Variants in POLK observed in about 807,000 individuals in gnomAD.
POLK encodes the protein polymerase (DNA directed) kappa.
Under a neutral mutation model 94.0 loss-of-function variants are expected in POLK, and 76 were observed. The ratio of observed to expected loss-of-function variants is 0.81; its 90% confidence interval spans 0.67 to 0.98. POLK has a LOEUF of 0.98. Ranked by LOEUF, POLK falls within the 50% of genes least tolerant of loss-of-function variation. The pLI, the probability that POLK is intolerant of heterozygous loss-of-function variation, is 0.00. For missense variants in POLK, 954 were observed against 1,010.1 expected, an observed-to-expected ratio of 0.94 and a Z score of 0.75; for synonymous variants, 349 against 325.4, an observed-to-expected ratio of 1.07 and a Z score of -0.78.
chr5:75,531,909 T>C (rs1192330009), intron 1 of POLK, among the ~76,000 whole-genome samples: 1 of 152,146 alleles, frequency 6.6e-6, no homozygotes, highest in African/African-American at 2.4e-5. Context: ...AGTTATTATC[T>C]AGGGCAGTAT....
intron 1 of POLK, among the ~76,000 whole-genome samples, chr5:75,533,442 G>C (rs1769279730): frequency 6.6e-6 from 1 of 152,134 alleles, no homozygotes; most frequent in Admixed American, 6.5e-5. Flanking sequence ...CCATTTGTCT[G>C]TGTGTCTGTT....
intron 1 of POLK, among the ~76,000 whole-genome samples, chr5:75,531,156 T>TG (rs1409498814): frequency 2.6e-5 from 4 of 151,974 alleles, no homozygotes; most frequent in African/African-American, 9.7e-5. Context: ...ATGAAAATGT[T>TG]TTTTTTCCTC....
rs1772508697 is a variant in POLK, at chr5:75,587,020, T to A, written c.1227-6T>A. 6.5e-7 allele frequency: 1 copy of A among 1,547,946 alleles called. No individual in the cohort carries two copies. The highest frequency in any genetic ancestry group is 1.4e-5 in the African/African-American group (1 of 72,276). On this transcript the variant is annotated splice_polypyrimidine_tract_variant and splice_region_variant and intron_variant, in intron 9 of 14. Transcript: ENST00000241436. ...AAAAATAAAGACCTTTTTTTTTCAT[T>A]TCAAGGGATGGAGAGAGGAAAAGTA...
intron 11 of POLK, among the ~76,000 whole-genome samples, chr5:75,592,051 C>T (rs1772815607): frequency 6.6e-6 from 1 of 152,156 alleles, no homozygotes; most frequent in African/African-American, 2.4e-5. Context: ...TAACTTCCTC[C>T]TCCAGGGGAT....
chr5:75,583,194 GA>G, intron 7 of POLK, 98 bp from the exon 8 acceptor site: 1 of 776,328 alleles, frequency 1.3e-6, no homozygotes, highest in Non-Finnish European at 2.0e-6. Context: ...TATCATTTGA[GA>G]TTTTTTGCAA....
intron 2 of POLK, among the ~76,000 whole-genome samples, chr5:75,548,493 T>C (rs1366380646): frequency 6.7e-6 from 1 of 149,746 alleles, no homozygotes; most frequent in Non-Finnish European, 1.5e-5. Flanking sequence ...TAATGTGTTA[T>C]GTGTATTAAT....
At chr5:75,518,404 A>C (rs899863674) in intron 1 of POLK, among the ~76,000 whole-genome samples, 1 of 152,112 alleles carries the variant, frequency 6.6e-6, no homozygotes, top group Non-Finnish European at 1.5e-5. Flanking sequence ...TCTTCTAGCT[A>C]TTCCAATTTG....
intron 3 of POLK, 59 bp from the exon 4 acceptor site, chr5:75,569,281 T>A: frequency 8.8e-7 from 1 of 1,132,606 alleles, no homozygotes; most frequent in Admixed American, 2.0e-5. Context: ...AATGTTGTGG[T>A]TAATGGTGTT....
exon 12 of POLK, chr5:75,593,878 G>T: frequency 1.3e-6 from 2 of 1,538,858 alleles, no homozygotes; most frequent in South Asian, 2.3e-5. Flanking sequence ...TATGTTATAG[G>T]GTAGAACTGT....
chr5:75,601,777 G>A (rs1416249275), downstream of POLK, among the ~76,000 whole-genome samples: 1 of 152,136 alleles, frequency 6.6e-6, no homozygotes, highest in Non-Finnish European at 1.5e-5. Flanking sequence ...TTGAGGTTTT[G>A]GGACTCAGAC....
chr5:75,591,782 G>A (rs931792536), intron 11 of POLK, among the ~76,000 whole-genome samples: 4 of 152,214 alleles, frequency 2.6e-5, no homozygotes, highest in South Asian at 4.2e-4. Context: ...GCAGAATGTC[G>A]CCCAATTTGG....
chr5:75,531,388 T>C (rs1769175812), intron 1 of POLK, among the ~76,000 whole-genome samples: 2 of 151,612 alleles, frequency 1.3e-5, no homozygotes, highest in African/African-American at 4.8e-5. Flanking sequence ...TACCAGTATA[T>C]AGCTATTTAC....
At position 75,538,918 on chromosome 5, in the gene POLK, G is replaced by A. The variant is rs1335073384; in HGVS notation, c.-13-8092G>A. 5.3e-5 allele frequency among the ~76,000 whole-genome samples: 8 copies of A among 152,060 alleles called. No individual in the cohort carries two copies. In the East Asian group the frequency reaches 1.5e-3, roughly 29 times the overall value. On this transcript the variant is annotated intron_variant, in intron 1 of 14. Coordinates refer to ENST00000241436, the Ensembl canonical transcript of POLK. Reference sequence around the variant, plus strand: ...CCTGAGTAGCTGGGATTACAGGCATGTGCCACCATGCCCAGCCAATTTTTT... The same window carrying A: ...CCTGAGTAGCTGGGATTACAGGCATATGCCACCATGCCCAGCCAATTTTTT...
chr5:75,526,756 A>G (rs1295334221), intron 1 of POLK, among the ~76,000 whole-genome samples: 1 of 151,690 alleles, frequency 6.6e-6, no homozygotes, highest in Admixed American at 6.6e-5. Context: ...TAATTTTTGT[A>G]TTTTTAGTAG....
intron 12 of POLK, among the ~76,000 whole-genome samples, chr5:75,594,283 A>C (rs1772948190): frequency 1.3e-5 from 2 of 152,208 alleles, no homozygotes; most frequent in Non-Finnish European, 2.9e-5. Context: ...TTATGTTTTC[A>C]ATTTACAGCG....
At chr5:75,574,746 G>T (rs895359595) in intron 5 of POLK, among the ~76,000 whole-genome samples, 2 of 152,164 alleles carry the variant, frequency 1.3e-5, no homozygotes, top group Non-Finnish European at 2.9e-5. Context: ...TCTGTCCAAG[G>T]CAGTCTGTGA....
In POLK at chr5:75,561,018, G is replaced by A. The variant is rs182857391; in HGVS notation, c.256-8322G>A. The stretch of plus-strand genomic sequence containing the variant: ...TAGTAGAATGATTTATAATCTTTTG[G>A]GTATATAACTGGTAATGGGATTGCT... On this transcript the variant is annotated intron_variant, in intron 3 of 14. Coordinates refer to ENST00000241436, the Ensembl canonical transcript of POLK. Among the ~76,000 whole-genome samples the A allele has an allele frequency of 5.4e-4, 82 of 152,134 alleles. No homozygotes were observed. The Middle Eastern group carries it at 0.01, about 19-fold the overall frequency.
At chr5:75,516,578 T>C (rs2112520721) in intron 1 of POLK, among the ~76,000 whole-genome samples, 1 of 152,218 alleles carries the variant, frequency 6.6e-6, no homozygotes, top group East Asian at 1.9e-4. Flanking sequence ...GGTGGGAGGA[T>C]TGCTTGAGCT....
intron 9 of POLK, 43 bp from the exon 10 acceptor site, chr5:75,586,983 A>T (rs745403511): frequency 1.4e-6 from 2 of 1,447,878 alleles, no homozygotes; most frequent in African/African-American, 1.4e-5. Flanking sequence ...ACTAAAAAAA[A>T]CTCAGTCTTT....
Sources: gnomAD v4.1 joint callset for allele counts (sites outside exome capture counted in the v4.1 genomes callset) on GRCh38, gnomAD v4.1.1 for gene constraint, MANE v1.5 for transcripts, NCBI Gene and HGNC (gene_info 2026-07-23, HGNC 2026-07-21) for gene names.